MYO19: variants seen among roughly 807,000 people sequenced by gnomAD.
The protein encoded by MYO19 is myosin XIX.
MYO19 carries 132 observed loss-of-function variants against 129.2 expected under a neutral mutation model. That is an observed-to-expected ratio of 1.02 (90% CI 0.89 to 1.18). The LOEUF is 1.18. Ranked by LOEUF, MYO19 falls within the 50% of genes most tolerant of loss-of-function variation. The probability of loss-of-function intolerance (pLI) is 0.00; values close to 1 mark genes in which losing one functional copy is unlikely to be tolerated. For synonymous variants in MYO19, 531 were observed against 477.2 expected (o/e 1.11, Z -1.47); for missense variants, 1,210 against 1,216.7 (o/e 0.99, Z 0.08).
rs1229231203 is a variant in MYO19, at chr17:36,513,480, C to T, written c.843G>A (p.Glu281=). The T allele has an allele frequency of 6.2e-7, 1 of 1,614,012 alleles. No individual in the cohort carries two copies. The highest frequency in any genetic ancestry group is 1.1e-5 in the South Asian group (1 of 91,086). ...TGTCAATGCCCAAATGGAGCATGGC[C>T]TCTCTGGTCACCTCAAAACAATCCT... ...LEEDCFEVTR[E]AMLHLGIDTP... The change falls in exon 11 of 26, where the codon GAG becomes GAA. Residue 281 remains glutamate, a synonymous_variant. Coordinates refer to ENST00000614623, the MANE Select transcript of MYO19 (RefSeq NM_001163735.2).
intron 6 of MYO19, among the ~76,000 whole-genome samples, chr17:36,522,028 T>TAAAAAAAAAAAAAAAAAA (rs370448301): frequency 8.7e-6 from 1 of 115,280 alleles, no homozygotes; most frequent in Non-Finnish European, 1.8e-5. Flanking sequence ...AGACTGTCTT[T>TAAAAAAAAAAAAAAAAAA]AAAAAAAAAA....
chr17:36,538,394 C>T (rs138225253), upstream of MYO19: 25 of 1,613,816 alleles, frequency 1.5e-5, no homozygotes, highest in African/African-American at 2.1e-4. Context: ...TCCCTGAAGC[C>T]GAAAGAATGG....
At chr17:36,542,649 A>G (rs1346784440) in intron 1 of MYO19, among the ~76,000 whole-genome samples, 1 of 151,372 alleles carries the variant, frequency 6.6e-6, no homozygotes, top group Non-Finnish European at 1.5e-5. Context: ...CAGTGAGCCG[A>G]GATAGCGCCA....
chr17:36,498,302 G>C lies in MYO19; in HGVS notation c.2721C>G (p.Asp907Glu), dbSNP rs1225593702. The C allele has an allele frequency of 1.2e-6, 2 of 1,613,682 alleles. No homozygotes were observed. The highest frequency in any genetic ancestry group is 3.3e-5 in the Admixed American group (2 of 60,002). ...PSSYTVQTAQ[D>E]QAGVTSIRAL... ...CTCGGATGGACGTGACACCAGCCTG[G>C]TCTTGTGCTGTCTGGACAGTGTAGC... The change falls in exon 25 of 26, where the codon GAC becomes GAG. Residue 907 changes from aspartate (D) to glutamate (E), a missense_variant. Coordinates refer to ENST00000614623, the MANE Select transcript of MYO19 (RefSeq NM_001163735.2).
chr17:36,505,697 T>C (rs949874173), intron 18 of MYO19, among the ~76,000 whole-genome samples: 3 of 152,046 alleles, frequency 2.0e-5, no homozygotes, highest in African/African-American at 7.2e-5. Context: ...CCTCCCCACT[T>C]CTCCCCAGAG....
chr17:36,537,397 G>C (rs769619152), upstream of MYO19: 1 of 1,613,964 alleles, frequency 6.2e-7, no homozygotes, highest in Non-Finnish European at 8.5e-7. Flanking sequence ...CAAATATACC[G>C]AAGGAGGACC....
chr17:36,499,266 GTTT>G, intron 23 of MYO19, 106 bp from the exon 24 acceptor site: 2 of 554,232 alleles, frequency 3.6e-6, no homozygotes, highest in Middle Eastern at 3.0e-4. Context: ...TTTCAAATAC[GTTT>G]TTTTTTTTTC....
At chr17:36,517,148 A>C (rs2072808908) in intron 6 of MYO19, among the ~76,000 whole-genome samples, 1 of 152,202 alleles carries the variant, frequency 6.6e-6, no homozygotes, top group South Asian at 2.1e-4. Flanking sequence ...GTTATTCAAA[A>C]TATTATCTTA....
chr17:36,499,654 CTTTTT>C (rs2071334556), intron 23 of MYO19: 6 of 73,092 alleles, frequency 8.2e-5, no homozygotes, highest in African/African-American at 3.6e-4. Context: ...TATTCTTTTT[CTTTTT>C]GTTTCTTTTT....
intron 5 of MYO19, among the ~76,000 whole-genome samples, 193 bp downstream of exon 5, chr17:36,527,358 T>C (rs1048542935): frequency 1.3e-5 from 2 of 152,196 alleles, no homozygotes; most frequent in Admixed American, 6.5e-5. Context: ...ATTCCCCACT[T>C]TGCACCTTCT....
At chr17:36,519,866 A>AT (rs907590096) in intron 6 of MYO19, among the ~76,000 whole-genome samples, 7 of 152,106 alleles carry the variant, frequency 4.6e-5, no homozygotes, top group South Asian at 2.1e-4. Flanking sequence ...AAGTTGACAG[A>AT]TTTTTTTCTT....
chr17:36,535,408 C>G (rs79843616), upstream of MYO19: 1,143 of 152,400 alleles, frequency 7.5e-3, 7 homozygotes, highest in South Asian at 0.033. Context: ...GACACTGGCA[C>G]GAGCGCCATG....
intron 13 of MYO19, 69 bp from the exon 14 acceptor site, chr17:36,509,204 C>A (rs1438668724): frequency 6.9e-7 from 1 of 1,442,560 alleles, no homozygotes; most frequent in African/African-American, 1.4e-5. Flanking sequence ...AAAATTGCTC[C>A]CCCCATCAGG....
chr17:36,514,417 G>A (rs1452078099), intron 9 of MYO19, 29 bp downstream of exon 9: 1 of 1,410,894 alleles, frequency 7.1e-7, no homozygotes, highest in South Asian at 1.1e-5. Context: ...TCTCGCATCT[G>A]GGGGGCTGTG....
rs2072028323 is a variant in MYO19, at chr17:36,507,851, A to C, written c.1305T>G (p.Asn435Lys). 1 of 1,613,530 alleles carries C rather than the reference A, an allele frequency of 6.2e-7. No individual in the cohort carries two copies. The highest frequency in any genetic ancestry group is 8.5e-7 in the Non-Finnish European group (1 of 1,179,684). ...SLEQLCINYA[N>K]EKLQQHFVAH... is the part of the protein sequence containing the mutation. ...CCACAAAATGCTGCTGCAGCTTCTC[A>C]TTGGCGTAGTTGATGCACAACTGTT... The change falls in exon 15 of 26, where the codon AAT (asparagine) becomes AAG (lysine). Residue 435 changes from asparagine to lysine, a missense_variant. By Grantham distance (94) the Asn-to-Lys change is moderately conservative. Coordinates refer to ENST00000614623, the MANE Select transcript of MYO19 (RefSeq NM_001163735.2).
chr17:36,496,385 T>C lies in MYO19; in HGVS notation c.2779A>G (p.Arg927Gly). 1 of 1,614,020 alleles carries C rather than the reference T, an allele frequency of 6.2e-7. No individual in the cohort carries two copies. Among genetic ancestry groups the C allele is most frequent in the Non-Finnish European group, 8.5e-7 (1 of 1,179,888 alleles). Residue 927 changes from arginine to glycine, a missense_variant, in exon 26 of 26, where the codon AGA becomes GGA. Transcript: ENST00000614623. ...LPQGSIKFHCRKSPLRYADIC... is the reference protein window; with the variant it reads ...LPQGSIKFHCGKSPLRYADIC... ...TCAGCATACCGCAGTGGAGACTTTC[T>C]GCAGTGAAACTTTATCGATCCCTAG...
At chr17:36,518,807 T>C (rs2072967719) in intron 6 of MYO19, among the ~76,000 whole-genome samples, 2 of 151,916 alleles carry the variant, frequency 1.3e-5, no homozygotes, top group East Asian at 1.9e-4. Flanking sequence ...GACAGATAGA[T>C]AGATTTTTTT....
At position 36,507,341 on chromosome 17, in the gene MYO19, G is replaced by A. The variant is rs188575510; in HGVS notation, c.1467+58C>T. 2.3e-4 allele frequency: 346 copies of A among 1,513,184 alleles called. 3 individuals carry two copies. In the East Asian group the frequency reaches 3.7e-3, roughly 16 times the overall value. 93.7% of individuals were successfully genotyped at this position (1,513,184 alleles called of 1,614,324 possible). A position where few individuals can be genotyped will look rare whatever the true frequency, so the allele number is the denominator to read the frequency against. ...AGAGAGGAAACAGGATAATCATCAA[G>A]GCCCCAGAAAACCCAAAGGCCAACT... On this transcript the variant is annotated intron_variant, in intron 16 of 25. Coordinates refer to ENST00000614623, the MANE Select transcript of MYO19 (RefSeq NM_001163735.2).
chr17:36,516,577 G>C (rs1317022196), intron 6 of MYO19, among the ~76,000 whole-genome samples: 2 of 152,032 alleles, frequency 1.3e-5, no homozygotes, highest in Non-Finnish European at 2.9e-5. Context: ...TCACCATGTT[G>C]GTGAGTCTGG....
Sources: allele counts gnomAD v4.1 joint callset (sites outside exome capture counted in the v4.1 genomes callset), GRCh38; gene constraint gnomAD v4.1.1; transcripts MANE v1.5; gene names NCBI Gene and HGNC (gene_info 2026-07-23, HGNC 2026-07-21).